PTPRT: variants seen among roughly 807,000 people sequenced by gnomAD.
PTPRT encodes protein tyrosine phosphatase receptor type T.
In PTPRT, 56 loss-of-function variants were observed where a neutral mutation model predicts 176.8. The ratio of observed to expected loss-of-function variants is 0.32; its 90% CI spans 0.26 to 0.40. The LOEUF is 0.40. Ranked by LOEUF, PTPRT falls within the 10% of genes least tolerant of loss-of-function variation. The pLI is 1.00. For missense variants in PTPRT, 1,540 were observed against 1,908.2 expected, an observed-to-expected ratio of 0.81 and a Z score of 3.60; for synonymous variants, 783 against 739.0, an observed-to-expected ratio of 1.06 and a Z score of -0.96.
intron 16 of PTPRT, among the ~76,000 whole-genome samples, chr20:42,177,908 C>T (rs1057363401): frequency 1.3e-5 from 2 of 149,724 alleles, no homozygotes; most frequent in Non-Finnish European, 3.0e-5. Flanking sequence ...CTTTCTCTCT[C>T]TCTTTCTCTC....
intron 2 of PTPRT, among the ~76,000 whole-genome samples, chr20:42,813,428 C>T (rs1354095769): frequency 6.6e-6 from 1 of 151,114 alleles, no homozygotes; most frequent in African/African-American, 2.4e-5. Flanking sequence ...CTCTTCCTCC[C>T]TCCCTCTTTT....
chr20:43,172,637 A>G (rs1389245376), intron 1 of PTPRT, among the ~76,000 whole-genome samples: 1 of 152,190 alleles, frequency 6.6e-6, no homozygotes, highest in Admixed American at 6.5e-5. Flanking sequence ...AAGGATGGCT[A>G]GTATTTATGG....
chr20:42,692,256 T>C (rs1224352218), intron 6 of PTPRT, among the ~76,000 whole-genome samples: 1 of 152,238 alleles, frequency 6.6e-6, no homozygotes, highest in African/African-American at 2.4e-5. Context: ...ATGAAACTTT[T>C]AGGCCAATCT....
chr20:42,334,696 G>T lies in PTPRT; in HGVS notation c.1865+15932C>A, dbSNP rs1600850180. ...TGTTTTTATGACCTGGAAGTAAAAA[G>T]AGCATAGGCTCAGGAATCAGCATTA... On this transcript the variant is annotated intron_variant, in intron 11 of 30. Coordinates refer to ENST00000373187, the MANE Select transcript of PTPRT (RefSeq NM_007050.6). Among the ~76,000 whole-genome samples, 3 of 152,210 alleles carry T rather than the reference G, an allele frequency of 2.0e-5. No homozygotes were observed. The South Asian group carries it at 6.2e-4, about 32-fold the overall frequency.
intron 2 of PTPRT, among the ~76,000 whole-genome samples, chr20:42,843,665 A>T (rs2078318266): frequency 6.6e-6 from 1 of 152,244 alleles, no homozygotes; most frequent in Non-Finnish European, 1.5e-5. Context: ...TCCCTCAGGT[A>T]TACAAAGAAC....
intron 1 of PTPRT, among the ~76,000 whole-genome samples, chr20:43,130,064 G>C (rs1440061356): frequency 6.6e-6 from 1 of 152,202 alleles, no homozygotes; most frequent in African/African-American, 2.4e-5. Flanking sequence ...AAGTGGGTAA[G>C]AGCAGGAAGA....
At chr20:42,281,134 A>C (rs1311434464) in intron 13 of PTPRT, among the ~76,000 whole-genome samples, 1 of 152,122 alleles carries the variant, frequency 6.6e-6, no homozygotes, top group Non-Finnish European at 1.5e-5. Flanking sequence ...CCCTAGTGCT[A>C]CCCAATTGAT....
rs1404452498 is a variant in PTPRT at position 42,514,464 on chromosome 20, G to T, written c.1154-41902C>A. Among the ~76,000 whole-genome samples, 3 of 152,000 alleles carry T rather than the reference G, an allele frequency of 2.0e-5. No homozygotes were observed. In the East Asian group the frequency reaches 5.8e-4, roughly 29 times the overall value. ...TCTTTTCAAATGCCTTTTTAAAATT[G>T]ATTCACTGAGATTCATGATTTACTC... On this transcript the variant is annotated intron_variant, in intron 7 of 30. Coordinates refer to ENST00000373187, the MANE Select transcript of PTPRT (RefSeq NM_007050.6).
At chr20:42,799,526 C>T (rs1022965001) in intron 2 of PTPRT, among the ~76,000 whole-genome samples, 3 of 152,150 alleles carry the variant, frequency 2.0e-5, no homozygotes, top group Non-Finnish European at 4.4e-5. Flanking sequence ...ATTCAATCTC[C>T]CAGGAGCAAA....
At chr20:42,427,990 C>T (rs2059181672) in intron 9 of PTPRT, among the ~76,000 whole-genome samples, 2 of 152,340 alleles carry the variant, frequency 1.3e-5, no homozygotes, top group African/African-American at 4.8e-5. Context: ...CCCCTATCTC[C>T]CTTCTCTGAC....
At chr20:42,275,774 A>G (rs1323735995) in intron 13 of PTPRT, among the ~76,000 whole-genome samples, 2 of 152,130 alleles carry the variant, frequency 1.3e-5, no homozygotes, top group East Asian at 3.9e-4. Context: ...GTATTTTTCC[A>G]TTGACATTTT....
intron 1 of PTPRT, among the ~76,000 whole-genome samples, chr20:42,927,285 G>T (rs1979551111): frequency 6.6e-6 from 1 of 152,176 alleles, no homozygotes; most frequent in Non-Finnish European, 1.5e-5. Flanking sequence ...AGGGGGGCTG[G>T]GTGTGGTGGT....
At chr20:43,024,623 A>G (rs111462249) in intron 1 of PTPRT, among the ~76,000 whole-genome samples, 4,270 of 151,232 alleles carry the variant, frequency 0.028, 103 homozygotes, top group Non-Finnish European at 0.043. Context: ...AAACATTCCC[A>G]TGTGAATTGA....
intron 1 of PTPRT, among the ~76,000 whole-genome samples, chr20:43,064,400 A>C (rs747628642): frequency 2.0e-5 from 3 of 152,192 alleles, no homozygotes; most frequent in Non-Finnish European, 2.9e-5. Context: ...TTATTATATT[A>C]AGACAATGAA....
In PTPRT at chr20:42,217,246, G is replaced by A. The variant is rs1404944255; in HGVS notation, c.2343-17858C>T. Among the ~76,000 whole-genome samples, 7 of 151,892 alleles carry A rather than the reference G, an allele frequency of 4.6e-5. No individual in the cohort carries two copies. The South Asian group carries it at 6.3e-4, about 14-fold the overall frequency. On this transcript the variant is annotated intron_variant, in intron 15 of 30. Transcript: ENST00000373187. ...AAATTAGCCCGGTGTGGTGACACAC[G>A]CCTGAAGTCCCAGCTACTGGGGAGG...
Position 42,142,880 on chromosome 20 carries a change from T to C in PTPRT, c.2683-878A>G, listed in dbSNP as rs79525903. ...GGGGGACTTCATTAATGATAGATAC[T>C]ATAATTCCTTCATGATACTGTAATT... On this transcript the variant is annotated intron_variant, in intron 17 of 30. Coordinates refer to ENST00000373187, the MANE Select transcript of PTPRT (RefSeq NM_007050.6). Among the ~76,000 whole-genome samples, 395 of 152,274 alleles carry C rather than the reference T, an allele frequency of 2.6e-3. 1 individual carries two copies. The highest frequency in any genetic ancestry group is 9.3e-3 in the African/African-American group (388 of 41,562).
intron 14 of PTPRT, among the ~76,000 whole-genome samples, chr20:42,239,380 AC>A (rs2056306391): frequency 6.6e-6 from 1 of 151,816 alleles, no homozygotes; most frequent in African/African-American, 2.4e-5. Context: ...TTTGATAGCA[AC>A]ATGGCTATAA....
intron 12 of PTPRT, among the ~76,000 whole-genome samples, chr20:42,296,251 G>A (rs1009907546): frequency 5.9e-5 from 9 of 152,138 alleles, no homozygotes; most frequent in Non-Finnish European, 8.8e-5. Context: ...TTCGAGACCA[G>A]CCCGACCAAC....
intron 11 of PTPRT, among the ~76,000 whole-genome samples, chr20:42,350,291 T>A (rs930280979): frequency 1.4e-5 from 2 of 146,682 alleles, no homozygotes. Context: ...TGCAGTGGCA[T>A]GATCACAGTT....
Sources: gnomAD v4.1 joint callset for allele counts (sites outside exome capture counted in the v4.1 genomes callset) on GRCh38, gnomAD v4.1.1 for gene constraint, MANE v1.5 for transcripts, NCBI Gene and HGNC (gene_info 2026-07-23, HGNC 2026-07-21) for gene names.